XPO4: variants seen among roughly 807,000 people sequenced by gnomAD.
XPO4 encodes exportin 4.
In XPO4, 39 loss-of-function variants were observed where a neutral mutation model predicts 143.0. That is an observed-to-expected ratio of 0.27 (90% CI 0.21 to 0.36). The LOEUF (loss-of-function observed/expected upper bound fraction) is 0.36. Among genes scored for constraint, XPO4 ranks in the 10% least tolerant of loss-of-function variants. The pLI is 1.00. For synonymous variants in XPO4, 439 were observed against 474.0 expected (o/e 0.93, Z 0.96); for missense variants, 907 against 1,348.0 (o/e 0.67, Z 5.12).
At chr13:20,796,390 A>G (rs2137824566) in intron 17 of XPO4, 134 bp from the exon 18 acceptor site, 1 of 683,886 alleles carries the variant, frequency 1.5e-6, no homozygotes, top group East Asian at 3.1e-5. Context: ...ACATTAAAAC[A>G]ATAATTTCTA....
chr13:20,833,142 T>G (rs577168096), intron 6 of XPO4, among the ~76,000 whole-genome samples: 1 of 152,278 alleles, frequency 6.6e-6, no homozygotes, highest in African/African-American at 2.4e-5. Context: ...ATATTTATAG[T>G]GAACAAACAT....
Position 20,796,259 on chromosome 13 carries a change from G to GAAAAA in XPO4, c.2617-8_2617-4dup. 8.1e-7 allele frequency: 1 copy of GAAAAA among 1,232,174 alleles called. No individual in the cohort carries two copies. The highest frequency in any genetic ancestry group is 2.5e-5 in the Admixed American group (1 of 39,450). 76.3% of individuals were successfully genotyped at this position (1,232,174 alleles called of 1,614,324 possible). The stretch of plus-strand genomic sequence containing the variant: ...TCATATAAGTTCATAGCTTTGGACT[G>GAAAAA]AAAAAAAAAAAAATGCACAAATTAT... On this transcript the variant is annotated splice_polypyrimidine_tract_variant and splice_region_variant and intron_variant, in intron 17 of 22. Coordinates refer to ENST00000255305, the MANE Select transcript of XPO4 (RefSeq NM_022459.5).
chr13:20,803,070 A>G lies in XPO4; in HGVS notation c.1818-2080T>C, dbSNP rs2059456343. On this transcript the variant is annotated intron_variant, in intron 13 of 22. Coordinates refer to ENST00000255305, the MANE Select transcript of XPO4 (RefSeq NM_022459.5). This position sits in a 1 kb window ranked among gnomAD's most constrained non-coding sequence, Gnocchi z 4.1. ...GATTCCTATTTTTCCTTTAATAGAT[A>G]TAAGTACTGAGAAAACTTCATATAA... is the stretch of plus-strand genomic sequence containing the variant. Among the ~76,000 whole-genome samples the G allele has an allele frequency of 1.3e-5, 2 of 152,206 alleles. No homozygotes were observed. Among genetic ancestry groups the G allele is most frequent in the Admixed American group, 6.5e-5 (1 of 15,276 alleles).
intron 22 of XPO4, among the ~76,000 whole-genome samples, chr13:20,786,173 G>A (rs9578319): frequency 0.028 from 4,269 of 152,090 alleles, 213 homozygotes; most frequent in African/African-American, 0.097. Flanking sequence ...GGGCACAGAT[G>A]TTACGGGAAG....
chr13:20,799,103 CAT>C, intron 16 of XPO4, 60 bp downstream of exon 16: 1 of 1,428,356 alleles, frequency 7.0e-7, no homozygotes, highest in Non-Finnish European at 9.4e-7. Context: ...TACGGCAACG[CAT>C]AGATAAAGGA....
At chr13:20,882,109 C>CAAAAAAA (rs35404161) in intron 1 of XPO4, among the ~76,000 whole-genome samples, 17 of 93,366 alleles carry the variant, frequency 1.8e-4, no homozygotes, top group African/African-American at 7.6e-4. Flanking sequence ...GACTCGGTCT[C>CAAAAAAA]AAAAAAAAAA....
At chr13:20,825,738 AGGCAAC>A (rs1428682340) in intron 7 of XPO4, among the ~76,000 whole-genome samples, 3 of 152,230 alleles carry the variant, frequency 2.0e-5, no homozygotes, top group African/African-American at 7.2e-5. Context: ...CAGATGAGGC[AGGCAAC>A]GGAATTTTAA....
chr13:20,831,804 ATTTT>A (rs34302388), intron 6 of XPO4, among the ~76,000 whole-genome samples: 1 of 88,786 alleles, frequency 1.1e-5, no homozygotes, highest in Non-Finnish European at 2.1e-5. Flanking sequence ...TAGTACAGTG[ATTTT>A]TTTTTTTTTT....
intron 13 of XPO4, among the ~76,000 whole-genome samples, chr13:20,804,248 T>TAC (rs1406112269): frequency 2.5e-4 from 38 of 150,730 alleles, no homozygotes; most frequent in African/African-American, 6.3e-4. Context: ...TATATATATA[T>TAC]ACACACACAC....
At chr13:20,815,759 A>T (rs2059641857) in intron 9 of XPO4, among the ~76,000 whole-genome samples, 1 of 152,234 alleles carries the variant, frequency 6.6e-6, no homozygotes, top group Admixed American at 6.5e-5. Context: ...TTATGTCTAC[A>T]GAATATCCTT....
Position 20,793,193 on chromosome 13 carries a change from AT to A in XPO4, c.2798-2614del, listed in dbSNP as rs546572314. The stretch of plus-strand genomic sequence containing the variant: ...TATTATCTTTATTTTTAAATAAAAT[AT>A]TCTCTTCCTTTTTACCATCCATTTG... On this transcript the variant is annotated intron_variant, in intron 18 of 22. Coordinates refer to ENST00000255305, the MANE Select transcript of XPO4 (RefSeq NM_022459.5). Among the ~76,000 whole-genome samples the A allele has an allele frequency of 8.6e-4, 131 of 152,264 alleles. 3 individuals are homozygous for A. The South Asian group carries it at 0.026, about 31-fold the overall frequency.
In XPO4 at chr13:20,808,583, TA is replaced by T. The variant is rs1343824795; in HGVS notation, c.1494-3del. On this transcript the variant is annotated splice_region_variant and splice_polypyrimidine_tract_variant and intron_variant, in intron 11 of 22. Transcript: ENST00000255305. Reference sequence around the variant, plus strand: ...CTTGTTACTCTTTCTTCTAATAAACTAAAAGAGAAGAAAACAGTAGCTTCAT... The same window carrying T: ...CTTGTTACTCTTTCTTCTAATAAACTAAAGAGAAGAAAACAGTAGCTTCAT... The T allele has an allele frequency of 1.5e-5, 23 of 1,533,452 alleles. No individual in the cohort carries two copies. Among genetic ancestry groups the T allele is most frequent in the Non-Finnish European group, 2.0e-5 (23 of 1,127,174 alleles). 95.0% of individuals were successfully genotyped at this position (1,533,452 alleles called of 1,614,324 possible).
intron 7 of XPO4, among the ~76,000 whole-genome samples, chr13:20,825,369 A>G (rs2059771292): frequency 6.6e-6 from 1 of 152,262 alleles, no homozygotes; most frequent in South Asian, 2.1e-4. Context: ...CAATAAATTC[A>G]TATAACTAAA....
intron 1 of XPO4, among the ~76,000 whole-genome samples, chr13:20,870,644 C>T (rs776271986): frequency 2.0e-5 from 3 of 151,310 alleles, no homozygotes; most frequent in East Asian, 1.9e-4. Context: ...GCAAGAAAAT[C>T]GCTTGAACGC....
chr13:20,897,020 A>G (rs2060575888), intron 1 of XPO4, among the ~76,000 whole-genome samples: 2 of 152,236 alleles, frequency 1.3e-5, no homozygotes, highest in African/African-American at 4.8e-5. Flanking sequence ...GCAAATACAC[A>G]TTTAATTGAA....
chr13:20,881,361 C>T (rs1254773171), intron 1 of XPO4, among the ~76,000 whole-genome samples: 3 of 152,070 alleles, frequency 2.0e-5, no homozygotes, highest in African/African-American at 7.2e-5. Flanking sequence ...CGCCACCTCC[C>T]GGGTTCATGC....
intron 13 of XPO4, among the ~76,000 whole-genome samples, chr13:20,806,236 T>C (rs181515500): frequency 7.2e-5 from 11 of 152,296 alleles, no homozygotes; most frequent in Non-Finnish European, 1.6e-4. Context: ...TATGATTTCA[T>C]TTCAAACAAG....
chr13:20,835,360 C>G (rs980300828), intron 6 of XPO4, among the ~76,000 whole-genome samples: 11 of 152,330 alleles, frequency 7.2e-5, no homozygotes, highest in Non-Finnish European at 1.5e-4. Flanking sequence ...AAAATTCCCT[C>G]ATGCTGACTT....
At chr13:20,877,162 C>T (rs970248193) in intron 1 of XPO4, among the ~76,000 whole-genome samples, 2 of 152,200 alleles carry the variant, frequency 1.3e-5, no homozygotes, top group African/African-American at 4.8e-5. Flanking sequence ...GCAATAATTG[C>T]ACTGGACATA....
Sources: gnomAD v4.1 joint callset for allele counts (sites outside exome capture counted in the v4.1 genomes callset) on GRCh38, gnomAD v4.1.1 for gene constraint, Gnocchi (gnomAD v3.1) non-coding constraint, MANE v1.5 for transcripts, NCBI Gene and HGNC (gene_info 2026-07-23, HGNC 2026-07-21) for gene names.